Variants in ST8SIA5 observed in about 807,000 individuals in gnomAD.
ST8SIA5 encodes alpha-2,8-sialyltransferase 8E.
A neutral mutation model predicts 40.2 loss-of-function variants in ST8SIA5; 24 were observed. The observed-to-expected ratio is 0.60, with a 90% CI of 0.43 to 0.84. ST8SIA5 has a LOEUF of 0.84. ST8SIA5 is among the 40% of genes least tolerant of loss of function. The probability of loss-of-function intolerance (pLI) is 0.00; values close to 1 mark genes in which losing one functional copy is unlikely to be tolerated. For missense variants in ST8SIA5, 465 were observed against 498.5 expected (o/e 0.93, Z 0.64); for synonymous variants, 198 against 201.8 (o/e 0.98, Z 0.16).
At chr18:46,735,403 T>C (rs2040024359) in intron 1 of ST8SIA5, among the ~76,000 whole-genome samples, 1 of 152,230 alleles carries the variant, frequency 6.6e-6, no homozygotes, top group Non-Finnish European at 1.5e-5. Context: ...CCAACGTCTA[T>C]AGCAGCACCA....
rs201885461 is a variant in ST8SIA5, at chr18:46,681,210, G to A, written c.663-700C>T. Reference sequence around the variant, plus strand: ...CTAATTTGGTCTCGAACTCCTGGCCGCAAGCCACACTCTGGCCTCAGCCTC... The same window carrying A: ...CTAATTTGGTCTCGAACTCCTGGCCACAAGCCACACTCTGGCCTCAGCCTC... On this transcript the variant is annotated intron_variant, in intron 6 of 6. Coordinates refer to ENST00000315087, the MANE Select transcript of ST8SIA5 (RefSeq NM_013305.6). Among the ~76,000 whole-genome samples the A allele has an allele frequency of 4.6e-5, 7 of 151,812 alleles. No homozygotes were observed. In the East Asian group the frequency reaches 1.2e-3, roughly 25 times the overall value.
At chr18:46,732,758 G>C (rs946285742) in intron 1 of ST8SIA5, among the ~76,000 whole-genome samples, 1 of 152,080 alleles carries the variant, frequency 6.6e-6, no homozygotes, top group Non-Finnish European at 1.5e-5. Flanking sequence ...AGGTAGCTCG[G>C]TTTTCTTATC....
intron 1 of ST8SIA5, among the ~76,000 whole-genome samples, chr18:46,742,717 C>T (rs2040099341): frequency 6.6e-6 from 1 of 152,186 alleles, no homozygotes; most frequent in Non-Finnish European, 1.5e-5. Context: ...AGTGGTTCTC[C>T]CAGCATGGTC....
At chr18:46,721,500 TG>T in intron 1 of ST8SIA5, 1 of 1,519,160 alleles carries the variant, frequency 6.6e-7, no homozygotes, top group Non-Finnish European at 8.8e-7. Flanking sequence ...TCGGTACTCA[TG>T]CTCATTTGCT....
At chr18:46,743,077 A>G (rs117622864) in intron 1 of ST8SIA5, among the ~76,000 whole-genome samples, 1,906 of 152,312 alleles carry the variant, frequency 0.013, 32 homozygotes, top group East Asian at 0.049. Context: ...CAACAAACCA[A>G]AAGTAGATAA....
At chr18:46,725,975 AT>A (rs1568271246) in intron 1 of ST8SIA5, among the ~76,000 whole-genome samples, 703 of 26,952 alleles carry the variant, frequency 0.026, 17 homozygotes, top group African/African-American at 0.029. Context: ...AAAAAAAAAT[AT>A]ATATATATAT....
chr18:46,695,284 A>G (rs1226246080), intron 2 of ST8SIA5, among the ~76,000 whole-genome samples: 3 of 152,152 alleles, frequency 2.0e-5, no homozygotes, highest in Non-Finnish European at 4.4e-5. Context: ...GGAAGAATAC[A>G]TAGCTGGCAG....
chr18:46,681,667 T>C (rs908826073), intron 6 of ST8SIA5, among the ~76,000 whole-genome samples: 2 of 152,174 alleles, frequency 1.3e-5, no homozygotes, highest in African/African-American at 4.8e-5. Flanking sequence ...AAAGAACTAA[T>C]GCAGGCCACA....
At chr18:46,693,490 A>G (rs2039527553) in intron 2 of ST8SIA5, among the ~76,000 whole-genome samples, 1 of 152,220 alleles carries the variant, frequency 6.6e-6, no homozygotes, top group South Asian at 2.1e-4. Flanking sequence ...GCATCATGAC[A>G]TTCTAAAGCA....
chr18:46,755,402 T>C (rs774637849), intron 1 of ST8SIA5, among the ~76,000 whole-genome samples: 6 of 151,228 alleles, frequency 4.0e-5, no homozygotes, highest in Admixed American at 2.0e-4. Flanking sequence ...GCGGTGAGAG[T>C]AGGGAGACAC....
Position 46,680,209 on chromosome 18 carries a change from A to C in ST8SIA5, c.964T>G (p.Trp322Gly). 6.2e-7 allele frequency: 1 copy of C among 1,614,232 alleles called. No homozygotes were observed. Among genetic ancestry groups the C allele is most frequent in the Non-Finnish European group, 8.5e-7 (1 of 1,180,036 alleles). ...CCCGAGGGGTTCATGGGGAAGGCCC[A>C]GAAGCCAAAGAGGTGCACCTCCTCA... ...LCEEVHLFGFWAFPMNPSGLY... is the reference protein window; with the variant it reads ...LCEEVHLFGFGAFPMNPSGLY... The change falls in exon 7 of 7, where the codon TGG (tryptophan) becomes GGG (glycine). Residue 322 changes from tryptophan to glycine, a missense_variant. By Grantham distance (184) the Trp-to-Gly change is radical. Coordinates refer to ENST00000315087, the MANE Select transcript of ST8SIA5 (RefSeq NM_013305.6).
Position 46,688,788 on chromosome 18 carries a change from C to G in ST8SIA5, c.443G>C (p.Arg148Pro). ...CCAAAGCAGCACCTTGGGAAACATG[C>G]GGAAGATCTCCTGGTTGATGTGGTA... ...GIYHINQEIFRMFPKDMPYYR... is the reference protein window; with the variant it reads ...GIYHINQEIFPMFPKDMPYYR... The change falls in exon 4 of 7, where the codon CGC becomes CCC. Residue 148 changes from arginine (R) to proline (P), a missense_variant. Arg to Pro is a moderately radical substitution (Grantham distance 103, BLOSUM62 -2). Transcript: ENST00000315087. The G allele has an allele frequency of 6.2e-7, 1 of 1,612,672 alleles. No homozygotes were observed. The highest frequency in any genetic ancestry group is 8.5e-7 in the Non-Finnish European group (1 of 1,179,350).
At chr18:46,722,377 G>A (rs1001572852) in intron 1 of ST8SIA5, among the ~76,000 whole-genome samples, 6 of 152,150 alleles carry the variant, frequency 3.9e-5, no homozygotes, top group Admixed American at 2.6e-4. Flanking sequence ...GGAGTTCTGC[G>A]CTCTTTTCTC....
intron 4 of ST8SIA5, among the ~76,000 whole-genome samples, chr18:46,687,576 A>G (rs2039460216): frequency 6.6e-6 from 1 of 152,116 alleles, no homozygotes; most frequent in South Asian, 2.1e-4. Flanking sequence ...CCACCTCATA[A>G]AGGTGGCTCA....
chr18:46,740,348 G>A (rs2040075973), intron 1 of ST8SIA5, among the ~76,000 whole-genome samples: 1 of 151,984 alleles, frequency 6.6e-6, no homozygotes, highest in African/African-American at 2.4e-5. Flanking sequence ...GGGAGAAAAG[G>A]CAAGGTATGT....
At chr18:46,747,726 T>C (rs889351170) in intron 1 of ST8SIA5, among the ~76,000 whole-genome samples, 1 of 152,222 alleles carries the variant, frequency 6.6e-6, no homozygotes. Flanking sequence ...ACTGGGTATA[T>C]ACCCAAAGGA....
At chr18:46,690,488 T>C (rs113083153) in intron 3 of ST8SIA5, among the ~76,000 whole-genome samples, 1,552 of 152,142 alleles carry the variant, frequency 0.01, 25 homozygotes, top group African/African-American at 0.036. Context: ...TGCCCAGAGC[T>C]CCACCCCTGC....
intron 2 of ST8SIA5, among the ~76,000 whole-genome samples, chr18:46,701,909 A>G (rs2144496971): frequency 6.6e-6 from 1 of 152,306 alleles, no homozygotes; most frequent in South Asian, 2.1e-4. Flanking sequence ...GCACTTTGGG[A>G]GGCCAAGGCG....
chr18:46,686,270 C>A lies in ST8SIA5; in HGVS notation c.473G>T (p.Arg158Leu). The A allele has an allele frequency of 6.2e-7, 1 of 1,614,084 alleles. No individual in the cohort carries two copies. Among genetic ancestry groups the A allele is most frequent in the South Asian group, 1.1e-5 (1 of 91,070 alleles). The change falls in exon 5 of 7, where the codon CGG (arginine) becomes CTG (leucine). Residue 158 changes from arginine to leucine, a missense_variant. Coordinates refer to ENST00000315087, the MANE Select transcript of ST8SIA5 (RefSeq NM_013305.6). The part of the protein sequence containing the change: ...RMFPKDMPYY[R>L]SQFKKCAVVG... ...TACAGCACACTTCTTAAACTGGGAC[C>A]GGTAGTAGGGCATGTCCTGGGGGAG...
Sources: allele counts gnomAD v4.1 joint callset (sites outside exome capture counted in the v4.1 genomes callset), GRCh38; gene constraint gnomAD v4.1.1; transcripts MANE v1.5; gene names NCBI Gene and HGNC (gene_info 2026-07-23, HGNC 2026-07-21).